The following BCL2L14 variants were observed in gnomAD, a reference collection of about 807,000 sequenced individuals.
The protein encoded by BCL2L14 is BCL2 like 14.
In BCL2L14, 27 loss-of-function variants were observed where a neutral mutation model predicts 35.3. The observed-to-expected ratio is 0.76, with a 90% confidence interval of 0.56 to 1.05. BCL2L14 has a LOEUF of 1.05. BCL2L14 is among the 50% of genes least tolerant of loss of function. The pLI is 0.00. For synonymous variants in BCL2L14, 139 were observed against 145.9 expected (o/e 0.95, Z 0.34); for missense variants, 377 against 382.6 (o/e 0.99, Z 0.12).
intron 2 of BCL2L14, among the ~76,000 whole-genome samples, chr12:12,059,283 G>A (rs187342114): frequency 5.6e-4 from 85 of 151,688 alleles, no homozygotes; most frequent in Middle Eastern, 3.4e-3. Flanking sequence ...CCTTCTCTCC[G>A]TGTCTCTACC....
intron 2 of BCL2L14, among the ~76,000 whole-genome samples, chr12:12,061,148 CT>C (rs1212997956): frequency 1.8e-4 from 24 of 129,992 alleles, no homozygotes; most frequent in Non-Finnish European, 3.9e-4. Context: ...CCTTATTAGA[CT>C]GAGACACTTT....
chr12:12,095,376 G>T lies in BCL2L14; in HGVS notation c.945+446G>T, dbSNP rs902882453. The T allele has an allele frequency of 9.1e-6, 9 of 985,266 alleles. No individual in the cohort carries two copies. The Admixed American group carries it at 4.9e-4, about 54-fold the overall frequency. 61.0% of individuals were successfully genotyped at this position (985,266 alleles called of 1,614,324 possible). On this transcript the variant is annotated intron_variant, in intron 5 of 5. Coordinates refer to ENST00000308721, the MANE Select transcript of BCL2L14 (RefSeq NM_138723.2). ...TCAGGGTTCATGGCATTTTGTCATT[G>T]CTGCTTTGACCCAGCCATTTTGAGG...
chr12:12,098,304 A>G (rs977350858), intron 5 of BCL2L14, among the ~76,000 whole-genome samples: 5 of 152,170 alleles, frequency 3.3e-5, no homozygotes, highest in African/African-American at 1.2e-4. Context: ...CAGGGTTCCT[A>G]TCTCAGTATT....
rs1298003176 is a variant in BCL2L14, at chr12:12,079,363, A to T, written c.58A>T (p.Asn20Tyr). 1 of 1,614,138 alleles carries T rather than the reference A, an allele frequency of 6.2e-7. No homozygotes were observed. ...EEIPLDDDDL[N>Y]TIEFKILAYY... is the part of the protein sequence containing the mutation. The stretch of plus-strand genomic sequence containing the variant: ...AATCCCCCTAGATGATGATGACCTA[A>T]ACACCATAGAATTCAAAATCCTCGC... Residue 20 changes from asparagine (N) to tyrosine (Y), a missense_variant, in exon 2 of 6, where the codon AAC becomes TAC. Physicochemically the swap from Asn to Tyr is moderately radical, Grantham distance 143 (BLOSUM62 -2). Coordinates refer to ENST00000308721, the MANE Select transcript of BCL2L14 (RefSeq NM_138723.2).
chr12:12,072,911 G>C (rs1001411810), intron 1 of BCL2L14, among the ~76,000 whole-genome samples: 4 of 151,762 alleles, frequency 2.6e-5, no homozygotes, highest in African/African-American at 9.7e-5. Context: ...TCTTAAGAGA[G>C]TGTCTCCCTC....
intron 2 of BCL2L14, among the ~76,000 whole-genome samples, chr12:12,084,611 C>T (rs1357597793): frequency 6.6e-6 from 1 of 151,490 alleles, no homozygotes; most frequent in Non-Finnish European, 1.5e-5. Context: ...CTTCTCCCCA[C>T]CCCATCCAGT....
At chr12:12,060,796 G>A (rs1404795758) in intron 2 of BCL2L14, among the ~76,000 whole-genome samples, 1 of 129,944 alleles carries the variant, frequency 7.7e-6, no homozygotes, top group Admixed American at 8.4e-5. Context: ...CACTCCCAGA[G>A]CCCCTGGAAC....
chr12:12,070,758 G>A (rs1287763896), upstream of BCL2L14, among the ~76,000 whole-genome samples: 1 of 152,090 alleles, frequency 6.6e-6, no homozygotes, highest in East Asian at 1.9e-4. Context: ...ACTAACAACT[G>A]ATAAGGATAG....
At chr12:12,087,065 C>A in intron 2 of BCL2L14, 148 bp from the exon 3 acceptor site, 1 of 862,370 alleles carries the variant, frequency 1.2e-6, no homozygotes, top group Non-Finnish European at 1.8e-6. Flanking sequence ...TCAGTCCTTT[C>A]TGAAGAATGA....
chr12:12,098,548 T>C (rs1949362999), intron 5 of BCL2L14, among the ~76,000 whole-genome samples: 1 of 152,192 alleles, frequency 6.6e-6, no homozygotes, highest in Non-Finnish European at 1.5e-5. Context: ...GATTTACTCC[T>C]TGGCTCTTTG....
chr12:12,081,074 C>A (rs1379994866), intron 2 of BCL2L14, among the ~76,000 whole-genome samples: 3 of 152,040 alleles, frequency 2.0e-5, no homozygotes, highest in Admixed American at 6.6e-5. Flanking sequence ...GTGGTCCTGG[C>A]TACTCGGGAG....
At chr12:12,088,135 C>A (rs937995644) in intron 3 of BCL2L14, among the ~76,000 whole-genome samples, 1 of 152,144 alleles carries the variant, frequency 6.6e-6, no homozygotes, top group Non-Finnish European at 1.5e-5. Flanking sequence ...TGGACACACA[C>A]AAGAAGTGAG....
intron 2 of BCL2L14, among the ~76,000 whole-genome samples, chr12:12,057,334 A>G (rs1466627727): frequency 3.9e-5 from 6 of 152,256 alleles, no homozygotes; most frequent in African/African-American, 1.4e-4. Context: ...GCATATCTCT[A>G]TAAAATCAGA....
At chr12:12,051,418 C>T (rs747924003) in intron 1 of BCL2L14, among the ~76,000 whole-genome samples, 4 of 151,938 alleles carry the variant, frequency 2.6e-5, no homozygotes, top group African/African-American at 9.7e-5. Flanking sequence ...CCGAGGGTTC[C>T]CCTCTACTCC....
chr12:12,089,524 T>C (rs960767248), intron 3 of BCL2L14, among the ~76,000 whole-genome samples: 1 of 151,640 alleles, frequency 6.6e-6, no homozygotes, highest in African/African-American at 2.4e-5. Context: ...AGCAAAACCC[T>C]ATCTCTACTA....
chr12:12,077,932 AAAAG>A (rs1324006210), intron 1 of BCL2L14: 1 of 423,114 alleles, frequency 2.4e-6, no homozygotes, highest in Admixed American at 2.8e-5. Flanking sequence ...ATTATTAGCA[AAAAG>A]AACTGCTTTC....
At chr12:12,079,138 T>C (rs1286463389) in intron 1 of BCL2L14, 161 bp from the exon 2 acceptor site, 1 of 639,240 alleles carries the variant, frequency 1.6e-6, no homozygotes, top group Admixed American at 3.0e-5. Context: ...ATGTCTCTCT[T>C]CCCACCCTAG....
chr12:12,096,137 G>A (rs1949307133), intron 5 of BCL2L14: 3 of 985,200 alleles, frequency 3.0e-6, no homozygotes, highest in Non-Finnish European at 3.6e-6. Context: ...AGCACTTCAT[G>A]TTTGCACCAT....
At chr12:12,065,148 C>T (rs1005497441) in intron 2 of BCL2L14, among the ~76,000 whole-genome samples, 1 of 152,156 alleles carries the variant, frequency 6.6e-6, no homozygotes, top group Non-Finnish European at 1.5e-5. Context: ...CATGCATACA[C>T]ACAGGATCGC....
Sources: gnomAD v4.1 joint callset for allele counts (sites outside exome capture counted in the v4.1 genomes callset) on GRCh38, gnomAD v4.1.1 for gene constraint, MANE v1.5 for transcripts, NCBI Gene and HGNC (gene_info 2026-07-23, HGNC 2026-07-21) for gene names.